Variants in CDH22 observed in about 807,000 individuals in gnomAD.
CDH22 encodes the protein cadherin 22.
A neutral mutation model predicts 58.4 loss-of-function variants in CDH22; 30 were observed. The observed-to-expected ratio is 0.51, with a 90% CI of 0.38 to 0.70. The LOEUF (loss-of-function observed/expected upper bound fraction) is 0.70. Among genes scored for constraint, CDH22 ranks in the 30% least tolerant of loss-of-function variants. CDH22 has a pLI of 0.00. For missense variants in CDH22, 1,014 were observed against 1,233.9 expected, an observed-to-expected ratio of 0.82 and a Z score of 2.67; for synonymous variants, 513 against 558.2, an observed-to-expected ratio of 0.92 and a Z score of 1.14.
At chr20:46,304,963 A>G (rs1332152849) in intron 1 of CDH22, among the ~76,000 whole-genome samples, 1 of 152,148 alleles carries the variant, frequency 6.6e-6, no homozygotes, top group Non-Finnish European at 1.5e-5. Flanking sequence ...TGGAGAGTGG[A>G]GCTTAAAATA....
At chr20:46,234,964 T>G (rs1399652548) in intron 3 of CDH22, among the ~76,000 whole-genome samples, 4 of 152,240 alleles carry the variant, frequency 2.6e-5, no homozygotes. Context: ...TCTGTGGGGC[T>G]ATATATAAAG....
intron 2 of CDH22, among the ~76,000 whole-genome samples, chr20:46,245,986 C>A (rs2086325639): frequency 6.6e-6 from 1 of 152,178 alleles, no homozygotes; most frequent in Non-Finnish European, 1.5e-5. Flanking sequence ...GTGTGGCCAG[C>A]CCTGGAGGAG....
intron 1 of CDH22, among the ~76,000 whole-genome samples, chr20:46,274,827 CAA>C (rs3091883): frequency 7.1e-6 from 1 of 140,408 alleles, no homozygotes; most frequent in African/African-American, 2.7e-5. Flanking sequence ...GAGCCAGATG[CAA>C]AAAAAAAAAA....
At chr20:46,224,107 C>T (rs2086154038) in intron 4 of CDH22, among the ~76,000 whole-genome samples, 1 of 152,186 alleles carries the variant, frequency 6.6e-6, no homozygotes, top group South Asian at 2.1e-4. Flanking sequence ...CCCGCTTCGG[C>T]CTCCCAAAGT....
intron 1 of CDH22, among the ~76,000 whole-genome samples, chr20:46,287,365 G>T (rs889919100): frequency 6.6e-6 from 1 of 152,154 alleles, no homozygotes; most frequent in Non-Finnish European, 1.5e-5. Flanking sequence ...ATTAAAACAT[G>T]CGATGATGAC....
chr20:46,303,572 C>T (rs2086661751), intron 1 of CDH22, among the ~76,000 whole-genome samples: 1 of 151,810 alleles, frequency 6.6e-6, no homozygotes, highest in Non-Finnish European at 1.5e-5. Context: ...TATATATATA[C>T]ATTTTAAACT....
At chr20:46,235,053 T>A (rs1242686584) in intron 3 of CDH22, among the ~76,000 whole-genome samples, 1 of 152,270 alleles carries the variant, frequency 6.6e-6, no homozygotes, top group Non-Finnish European at 1.5e-5. Flanking sequence ...GGAGGCCTTG[T>A]GTATAATGGG....
chr20:46,183,018 CTCT>C (rs2085800305), intron 10 of CDH22, among the ~76,000 whole-genome samples: 2 of 151,608 alleles, frequency 1.3e-5, no homozygotes, highest in Admixed American at 6.6e-5. Context: ...GTGCCCCCCC[CTCT>C]CCCCCAGCTA....
intron 2 of CDH22, among the ~76,000 whole-genome samples, chr20:46,250,215 C>G (rs1239966737): frequency 2.0e-5 from 3 of 152,202 alleles, no homozygotes; most frequent in African/African-American, 7.2e-5. Context: ...TTCATTCATT[C>G]ATTCATTCAT....
chr20:46,290,876 G>A (rs950444883), intron 1 of CDH22, among the ~76,000 whole-genome samples: 5 of 152,208 alleles, frequency 3.3e-5, no homozygotes, highest in African/African-American at 1.2e-4. Context: ...GGCTGGGGGT[G>A]TGGCATGGAT....
At chr20:46,274,334 G>C (rs1022119058) in intron 1 of CDH22, among the ~76,000 whole-genome samples, 15 of 152,218 alleles carry the variant, frequency 9.9e-5, no homozygotes, top group Non-Finnish European at 1.5e-4. Context: ...CCTCAACAAG[G>C]GTCTTTGGTG....
chr20:46,265,719 C>T (rs1051599471), intron 1 of CDH22, among the ~76,000 whole-genome samples: 10 of 152,154 alleles, frequency 6.6e-5, no homozygotes, highest in Non-Finnish European at 1.0e-4. Context: ...TGTTCCTTTT[C>T]ACTGCTGCAT....
At position 46,216,796 on chromosome 20, in the gene CDH22, C is replaced by CG. The variant is rs766117463; in HGVS notation, c.838+29dup. 6.3e-7 allele frequency: 1 copy of CG among 1,577,478 alleles called. No individual in the cohort carries two copies. Among genetic ancestry groups the CG allele is most frequent in the Admixed American group, 1.7e-5 (1 of 59,390 alleles). ...ATGGGGTAACAGACAGACACACAGA[C>CG]GCGCCTTCCTCTGGGAAGGCCTCAC... On this transcript the variant is annotated intron_variant, in intron 5 of 11. Transcript: ENST00000537909. The surrounding 1 kb of genome is among the most constrained non-coding windows in gnomAD (Gnocchi z 5.3).
In CDH22 at chr20:46,210,595, G is replaced by A; in HGVS notation, c.1033-35C>T. 7.1e-7 allele frequency: 1 copy of A among 1,418,356 alleles called. No homozygotes were observed. The highest frequency in any genetic ancestry group is 9.2e-7 in the Non-Finnish European group (1 of 1,082,060). 87.9% of individuals were successfully genotyped at this position (1,418,356 alleles called of 1,614,324 possible). On this transcript the variant is annotated intron_variant, in intron 6 of 11. Transcript: ENST00000537909. This position sits in a 1 kb window ranked among gnomAD's most constrained non-coding sequence, Gnocchi z 4.5. ...GGAGCAGAGGGCCGGTTAGTGGGTG[G>A]GGTCTGGTGGACACTGAGGCCTTCA...
chr20:46,214,158 G>A (rs1031440769), intron 5 of CDH22, among the ~76,000 whole-genome samples: 2 of 152,176 alleles, frequency 1.3e-5, no homozygotes, highest in East Asian at 1.9e-4. Flanking sequence ...TGCTGTGCCT[G>A]GCATGTTGGA....
chr20:46,277,251 T>C (rs937036860), intron 1 of CDH22, among the ~76,000 whole-genome samples: 1 of 151,860 alleles, frequency 6.6e-6, no homozygotes, highest in African/African-American at 2.4e-5. Flanking sequence ...AAACATAATA[T>C]CAAGACATAT....
chr20:46,259,014 C>T (rs1991034199), intron 1 of CDH22, among the ~76,000 whole-genome samples: 1 of 152,212 alleles, frequency 6.6e-6, no homozygotes, highest in Admixed American at 6.5e-5. Context: ...AGCCACACTA[C>T]GTGTACTTGA....
At chr20:46,288,576 T>G (rs2086586253) in intron 1 of CDH22, among the ~76,000 whole-genome samples, 1 of 152,192 alleles carries the variant, frequency 6.6e-6, no homozygotes, top group Non-Finnish European at 1.5e-5. Flanking sequence ...AACCCTCATG[T>G]CTGAACCCGG....
At chr20:46,242,155 AAGAT>A (rs1356229927) in intron 2 of CDH22, among the ~76,000 whole-genome samples, 12 of 152,214 alleles carry the variant, frequency 7.9e-5, no homozygotes, top group Non-Finnish European at 2.9e-5. Flanking sequence ...TTTCTAGTTA[AAGAT>A]GCTTTTTTTA....
Sources: allele counts gnomAD v4.1 joint callset (sites outside exome capture counted in the v4.1 genomes callset), GRCh38; gene constraint gnomAD v4.1.1; non-coding constraint Gnocchi (gnomAD v3.1); transcripts MANE v1.5; gene names NCBI Gene and HGNC (gene_info 2026-07-23, HGNC 2026-07-21).